Variants in MTA1 observed in about 807,000 individuals in gnomAD.
The protein encoded by MTA1 is metastasis-associated protein MTA1.
A neutral mutation model predicts 97.0 loss-of-function variants in MTA1; 15 were observed. The ratio of observed to expected loss-of-function variants is 0.15; its 90% CI spans 0.10 to 0.24. The LOEUF is 0.24. Among genes scored for constraint, MTA1 ranks in the 10% least tolerant of loss-of-function variants. MTA1 has a pLI of 1.00. For synonymous variants in MTA1, 435 were observed against 417.5 expected (o/e 1.04, Z -0.51); for missense variants, 709 against 1,015.1 (o/e 0.70, Z 4.10).
chr14:105,446,165 C>G (rs1354543647), intron 3 of MTA1, among the ~76,000 whole-genome samples: 1 of 152,170 alleles, frequency 6.6e-6, no homozygotes, highest in East Asian at 1.9e-4. Context: ...CAGAGGCACC[C>G]CCACGCCCTC....
intron 18 of MTA1, 28 bp downstream of exon 18, chr14:105,466,770 TG>T: frequency 6.4e-7 from 1 of 1,556,002 alleles, no homozygotes; most frequent in South Asian, 1.2e-5. Flanking sequence ...GGGCGGGCGC[TG>T]CGCCGGCCCC....
At chr14:105,442,584 A>T (rs2082573686) in intron 2 of MTA1, among the ~76,000 whole-genome samples, 1 of 152,284 alleles carries the variant, frequency 6.6e-6, no homozygotes, top group Non-Finnish European at 1.5e-5. Flanking sequence ...TCGAAGGAAG[A>T]GAAGAAAGAA....
rs373697104 is a variant in MTA1 at position 105,445,404 on chromosome 14, C to A, written c.97-14C>A. ...TGGTCGCGTTTCTCAGACGCCCCTG[C>A]CTTGCTGTTACAGACGGCCAATGGG... On this transcript the variant is annotated splice_polypyrimidine_tract_variant and intron_variant, in intron 2 of 20. Transcript: ENST00000331320. 3.7e-5 allele frequency: 59 copies of A among 1,612,440 alleles called. No homozygotes were observed. The highest frequency in any genetic ancestry group is 4.5e-5 in the Non-Finnish European group (53 of 1,179,154).
intron 1 of MTA1, among the ~76,000 whole-genome samples, chr14:105,435,275 A>C (rs2082296587): frequency 6.6e-6 from 1 of 151,836 alleles, no homozygotes; most frequent in Non-Finnish European, 1.5e-5. Flanking sequence ...CTGGTTTTTG[A>C]ATGTTTTTAA....
In MTA1 at chr14:105,419,889, G is replaced by T; in HGVS notation, c.-147G>T. On this transcript the variant is annotated 5_prime_UTR_variant, in exon 1 of 21. Transcript: ENST00000331320. ...CTGCGCGGCCTCGGCGGCCTCGGCG[G>T]CGGCGGCGGCGGCGGCGGCGGCAGC... The T allele has an allele frequency of 9.9e-6, 2 of 201,862 alleles. No individual in the cohort carries two copies. Among genetic ancestry groups the T allele is most frequent in the Non-Finnish European group, 1.7e-5 (2 of 116,612 alleles). 12.5% of individuals were successfully genotyped at this position (201,862 alleles called of 1,614,324 possible).
chr14:105,463,083 CG>C lies in MTA1; in HGVS notation c.943-100del. ...AAGCACACCTCGCCCTCTGGCCTCC[CG>C]CCCCCTCTGTGGCCTTCTGGCCGCA... is the stretch of plus-strand genomic sequence containing the variant. On this transcript the variant is annotated intron_variant, in intron 10 of 20. Coordinates refer to ENST00000331320, the MANE Select transcript of MTA1 (RefSeq NM_004689.4). The surrounding 1 kb of genome is among the most constrained non-coding windows in gnomAD (Gnocchi z 5.9). The C allele has an allele frequency of 8.3e-7, 1 of 1,201,930 alleles. No homozygotes were observed. 74.5% of individuals were successfully genotyped at this position (1,201,930 alleles called of 1,614,324 possible).
Position 105,464,102 on chromosome 14 carries a change from C to T in MTA1, c.1147C>T (p.Pro383Ser). 6.2e-7 allele frequency: 1 copy of T among 1,612,334 alleles called. No homozygotes were observed. Among genetic ancestry groups the T allele is most frequent in the East Asian group, 2.2e-5 (1 of 44,864 alleles). ...KAGVVNGTGAPGQSPGAGRAC... is the reference protein window; with the variant it reads ...KAGVVNGTGASGQSPGAGRAC... ...CGGTGTGGTGAACGGCACGGGGGCGCCGGGCCAGAGCCCTGGGGCTGGCCG... is the reference window on the plus strand; with the variant it reads ...CGGTGTGGTGAACGGCACGGGGGCGTCGGGCCAGAGCCCTGGGGCTGGCCG... Residue 383 changes from proline (P) to serine (S), a missense_variant, in exon 13 of 21, where the codon CCG becomes TCG. Pro to Ser is a moderately conservative substitution (Grantham distance 74). Transcript: ENST00000331320.
chr14:105,451,090 C>A (rs1299800307), intron 6 of MTA1, among the ~76,000 whole-genome samples: 1 of 152,190 alleles, frequency 6.6e-6, no homozygotes, highest in Non-Finnish European at 1.5e-5. Flanking sequence ...GACCTGAACA[C>A]CCCCAGCGTG....
intron 18 of MTA1, chr14:105,466,988 CGT>C (rs2083619619): frequency 1.8e-6 from 1 of 569,294 alleles, no homozygotes; most frequent in African/African-American, 1.9e-5. Flanking sequence ...TGTCCTGGCA[CGT>C]GTGGCCCTGG....
chr14:105,425,103 G>C (rs2081969689), intron 1 of MTA1, among the ~76,000 whole-genome samples: 1 of 152,208 alleles, frequency 6.6e-6, no homozygotes, highest in Non-Finnish European at 1.5e-5. Context: ...GCTTGGGGGA[G>C]CACTGGCTGC....
chr14:105,464,882 C>G lies in MTA1; in HGVS notation c.1534+19C>G. On this transcript the variant is annotated intron_variant, in intron 15 of 20. Coordinates refer to ENST00000331320, the MANE Select transcript of MTA1 (RefSeq NM_004689.4). ...GCCGAGTGTGAGTCACCCCAACGCC[C>G]CGCTTACTCTGTTCCTGCGGGTGGT... is the stretch of plus-strand genomic sequence containing the variant. 3.2e-6 allele frequency: 5 copies of G among 1,545,088 alleles called. No homozygotes were observed. The highest frequency in any genetic ancestry group is 4.4e-6 in the Non-Finnish European group (5 of 1,143,496).
At chr14:105,421,107 G>T (rs993527449) in intron 1 of MTA1, among the ~76,000 whole-genome samples, 13 of 141,722 alleles carry the variant, frequency 9.2e-5, no homozygotes, top group Non-Finnish European at 3.3e-5. Context: ...CTGTGACCTT[G>T]GGGACGGTGG....
rs1341652186 is a variant in MTA1, at chr14:105,469,933, G to T, written c.1938G>T (p.Arg646=). The change falls in exon 20 of 21, where the codon CGG becomes CGT. Residue 646 remains arginine (R), a synonymous_variant. Transcript: ENST00000331320. ...RGGSLPPVKR[R]RMNWIDAPDD... is the part of the protein sequence containing the mutation. ...GCTCCCTGCCCCCAGTCAAGCGGCGGCGGATGAACTGGATCGACGCCCCGG... is the reference window on the plus strand; with the variant it reads ...GCTCCCTGCCCCCAGTCAAGCGGCGTCGGATGAACTGGATCGACGCCCCGG... 1.2e-6 allele frequency: 2 copies of T among 1,612,344 alleles called. No individual in the cohort carries two copies. The highest frequency in any genetic ancestry group is 1.7e-6 in the Non-Finnish European group (2 of 1,179,756).
intron 1 of MTA1, among the ~76,000 whole-genome samples, chr14:105,429,078 CAACTTCTGCTAGCTTCAGATTT>C (rs2082095073): frequency 6.6e-6 from 1 of 152,146 alleles, no homozygotes. Context: ...CTTCATGGGC[CAACTTCTGCTAGCTTCAGATTT>C]TTCTTCTGCA....
rs1402071738 is a variant in MTA1 at position 105,424,036 on chromosome 14, G to A, written c.28+3973G>A. On this transcript the variant is annotated intron_variant, in intron 1 of 20. Transcript: ENST00000331320. The surrounding 1 kb of genome is among the most constrained non-coding windows in gnomAD (Gnocchi z 4.0). ...GAGCGGGAGTGGTAGAAGTGGCAGG[G>A]GCCCAGGTGTGATGTCCTGGAGGGG... is the stretch of plus-strand genomic sequence containing the variant. 1.3e-5 allele frequency among the ~76,000 whole-genome samples: 2 copies of A among 152,212 alleles called. No homozygotes were observed. Among genetic ancestry groups the A allele is most frequent in the East Asian group, 3.9e-4 (2 of 5,192 alleles).
chr14:105,421,207 T>C (rs1317715493), intron 1 of MTA1, among the ~76,000 whole-genome samples: 1 of 152,122 alleles, frequency 6.6e-6, no homozygotes, highest in Non-Finnish European at 1.5e-5. Flanking sequence ...GCGGTGGGCC[T>C]GTACCCCATC....
chr14:105,451,405 G>A (rs782159715), intron 6 of MTA1, among the ~76,000 whole-genome samples: 1 of 152,252 alleles, frequency 6.6e-6, no homozygotes, highest in Non-Finnish European at 1.5e-5. Context: ...TAACACATGC[G>A]TGGAGCATGG....
In MTA1 at chr14:105,463,594, C is replaced by T. The variant is rs782078923; in HGVS notation, c.1076+43C>T. 1.3e-6 allele frequency: 2 copies of T among 1,595,650 alleles called. No individual in the cohort carries two copies. Among genetic ancestry groups the T allele is most frequent in the African/African-American group, 1.3e-5 (1 of 74,530 alleles). On this transcript the variant is annotated intron_variant, in intron 12 of 20. Coordinates refer to ENST00000331320, the MANE Select transcript of MTA1 (RefSeq NM_004689.4). The surrounding 1 kb of genome is among the most constrained non-coding windows in gnomAD (Gnocchi z 5.9). ...GCCGTCGTCCTCGTGGCCCCGGGGGCCAGGGAGGGTGGGCACAGGGTGCTG... is the reference window on the plus strand; with the variant it reads ...GCCGTCGTCCTCGTGGCCCCGGGGGTCAGGGAGGGTGGGCACAGGGTGCTG...
intron 2 of MTA1, among the ~76,000 whole-genome samples, chr14:105,442,346 A>G (rs1194793594): frequency 6.6e-6 from 1 of 152,112 alleles, no homozygotes; most frequent in Non-Finnish European, 1.5e-5. Context: ...CCTTTCCAAC[A>G]CGAGGGAGGC....
Sources: allele counts gnomAD v4.1 joint callset (sites outside exome capture counted in the v4.1 genomes callset), GRCh38; gene constraint gnomAD v4.1.1; non-coding constraint Gnocchi (gnomAD v3.1); transcripts MANE v1.5; gene names NCBI Gene and HGNC (gene_info 2026-07-23, HGNC 2026-07-21).